Variants in MYH4 observed in about 807,000 individuals in gnomAD.
MYH4 encodes the protein myosin heavy chain 4, also known as myosin-4.
A neutral mutation model predicts 229.9 loss-of-function variants in MYH4; 200 were observed. The observed-to-expected ratio is 0.87, with a 90% CI of 0.78 to 0.98. The LOEUF is 0.98. Among genes scored for constraint, MYH4 ranks in the 50% least tolerant of loss-of-function variants. MYH4 has a pLI of 0.00. For synonymous variants in MYH4, 761 were observed against 834.6 expected (o/e 0.91, Z 1.52); for missense variants, 2,148 against 2,332.6 (o/e 0.92, Z 1.63).
chr17:10,465,534 T>C lies in MYH4; in HGVS notation c.413A>G (p.Glu138Gly), dbSNP rs150104856. Residue 138 changes from glutamate (E) to glycine (G), a missense_variant, in exon 5 of 40, where the codon GAG becomes GGG. By Grantham distance (98) the Glu-to-Gly change is moderately conservative. Transcript: ENST00000255381. ...PYKWLPVYNP[E>G]VVTAYRGKKR... ...TTTGCCTCGGTAGGCTGTCACCACC[T>C]CAGGGTTGTACACCGGCAGCCACTT... 32 of 1,613,724 alleles carry C rather than the reference T, an allele frequency of 2.0e-5. No individual in the cohort carries two copies. The African/African-American group carries it at 3.9e-4, about 20-fold the overall frequency.
At position 10,463,411 on chromosome 17, in the gene MYH4, G is replaced by C; in HGVS notation, c.742-10C>G. The C allele has an allele frequency of 6.2e-7, 1 of 1,610,530 alleles. No homozygotes were observed. The highest frequency in any genetic ancestry group is 8.5e-7 in the Non-Finnish European group (1 of 1,178,266). ...TCCTGATGAATTTACCCTTAAAAAA[G>C]AAAAGGAGGGATTATTATACACATT... On this transcript the variant is annotated splice_polypyrimidine_tract_variant and intron_variant, in intron 8 of 39. Transcript: ENST00000255381.
chr17:10,459,273 G>A lies in MYH4; in HGVS notation c.1565C>T (p.Ala522Val). The A allele has an allele frequency of 2.5e-6, 4 of 1,614,004 alleles. No individual in the cohort carries two copies. The highest frequency in any genetic ancestry group is 8.5e-7 in the Non-Finnish European group (1 of 1,180,000). The part of the protein sequence containing the change: ...EFIDFGMDLA[A>V]CIELIEKPMG... ...AACCTTCTCGATGAGCTCGATGCAG[G>A]CAGCCAGGTCCATCCCGAAGTCAAT... The change falls in exon 15 of 40, where the codon GCC (alanine) becomes GTC (valine). Residue 522 changes from alanine to valine, a missense_variant. Coordinates refer to ENST00000255381, the MANE Select transcript of MYH4 (RefSeq NM_017533.2).
In MYH4 at chr17:10,452,138, C is replaced by A; in HGVS notation, c.3541G>T (p.Asp1181Tyr). The A allele has an allele frequency of 1.9e-6, 3 of 1,614,066 alleles. No homozygotes were observed. Among genetic ancestry groups the A allele is most frequent in the Non-Finnish European group, 2.5e-6 (3 of 1,180,018 alleles). Reference protein sequence around the residue: ...REAEFQKMRRDLEESTLQHEA... With the variant: ...REAEFQKMRRYLEESTLQHEA... Reference sequence around the variant, plus strand: ...TGCTGCAGGGTGGACTCTTCCAGGTCCCTGCGCATTTTCTGGAACTCAGCC... The same window carrying A: ...TGCTGCAGGGTGGACTCTTCCAGGTACCTGCGCATTTTCTGGAACTCAGCC... The change falls in exon 27 of 40, where the codon GAC becomes TAC. Residue 1181 changes from aspartate (D) to tyrosine (Y), a missense_variant. Transcript: ENST00000255381.
At chr17:10,465,777 T>TTC (rs1157430536) in intron 4 of MYH4, among the ~76,000 whole-genome samples, 179 bp from the exon 5 acceptor site, 2 of 139,844 alleles carry the variant, frequency 1.4e-5, no homozygotes, top group Admixed American at 7.2e-5. Flanking sequence ...TTTCTTTTTT[T>TTC]TTTTTTTTTT....
chr17:10,463,496 C>A, intron 8 of MYH4, 55 bp downstream of exon 8: 1 of 1,576,590 alleles, frequency 6.3e-7, no homozygotes, highest in Non-Finnish European at 8.7e-7. Flanking sequence ...ATTGACACCA[C>A]ATGCACACAA....
rs1567699277 is a variant in MYH4, at chr17:10,449,062, A to C, written c.4182-15T>G. 6.2e-7 allele frequency: 1 copy of C among 1,613,028 alleles called. No individual in the cohort carries two copies. The highest frequency in any genetic ancestry group is 8.5e-7 in the Non-Finnish European group (1 of 1,179,598). On this transcript the variant is annotated splice_polypyrimidine_tract_variant and intron_variant, in intron 30 of 39. Coordinates refer to ENST00000255381, the MANE Select transcript of MYH4 (RefSeq NM_017533.2). ...CTAGCTTCTTCCTGAAAATTGGGTC[A>C]GTATGAGTGACCAAGAGCAGACTCA...
At position 10,455,807 on chromosome 17, in the gene MYH4, G is replaced by A; in HGVS notation, c.2056+7C>T. On this transcript the variant is annotated splice_region_variant and intron_variant, in intron 18 of 39. Coordinates refer to ENST00000255381, the MANE Select transcript of MYH4 (RefSeq NM_017533.2). ...TGGAGCTTGTCTGGATATCAGAAAT[G>A]TCTTACCAGGAGTTTTAGTTTCATT... The A allele has an allele frequency of 6.2e-7, 1 of 1,614,168 alleles. No homozygotes were observed. The highest frequency in any genetic ancestry group is 8.5e-7 in the Non-Finnish European group (1 of 1,180,030).
In MYH4 at chr17:10,463,194, A is replaced by G. The variant is rs760603150; in HGVS notation, c.806-6T>C. The G allele has an allele frequency of 6.2e-7, 1 of 1,607,652 alleles. No individual in the cohort carries two copies. On this transcript the variant is annotated splice_region_variant and splice_polypyrimidine_tract_variant and intron_variant, in intron 9 of 39. Transcript: ENST00000255381. ...TCGGGACTTCTCTAGCAGATCTGGAAGTCAGATTAAGCTCATTTAAAAGAA... is the reference window on the plus strand; with the variant it reads ...TCGGGACTTCTCTAGCAGATCTGGAGGTCAGATTAAGCTCATTTAAAAGAA...
Position 10,445,260 on chromosome 17 carries a change from TCTC to T in MYH4, c.5269_5271del (p.Glu1757del), listed in dbSNP as rs865993020. 1.2e-6 allele frequency: 2 copies of T among 1,614,070 alleles called. No individual in the cohort carries two copies. The highest frequency in any genetic ancestry group is 2.7e-5 in the African/African-American group (2 of 74,946). ...ACATCAGTGATGGCCTTCTTGGCCT[TCTC>T]CTCTGCATTGCGGGCTTCCTGGACG... is the stretch of plus-strand genomic sequence containing the variant. On this transcript the variant is annotated inframe_deletion, in exon 36 of 40. Coordinates refer to ENST00000255381, the MANE Select transcript of MYH4 (RefSeq NM_017533.2).
chr17:10,453,556 T>A (rs1168714705), intron 23 of MYH4, 87 bp downstream of exon 23: 1 of 1,594,354 alleles, frequency 6.3e-7, no homozygotes, highest in Non-Finnish European at 8.6e-7. Flanking sequence ...ATTTTTTATA[T>A]TCAATCATCT....
At chr17:10,464,948 C>A (rs1262335778) in intron 5 of MYH4, among the ~76,000 whole-genome samples, 1 of 152,148 alleles carries the variant, frequency 6.6e-6, no homozygotes, top group Non-Finnish European at 1.5e-5. Flanking sequence ...CCATTTTGTC[C>A]ATGAGAATAA....
At chr17:10,466,887 C>A in intron 2 of MYH4, 103 bp from the exon 3 acceptor site, 1 of 1,071,854 alleles carries the variant, frequency 9.3e-7, no homozygotes, top group South Asian at 1.5e-5. Flanking sequence ...TGTTTCCTCA[C>A]CCCTGCCTTT....
rs77317420 is a variant in MYH4, at chr17:10,454,086, T to C, written c.2692-201A>G. On this transcript the variant is annotated intron_variant, in intron 22 of 39. Coordinates refer to ENST00000255381, the MANE Select transcript of MYH4 (RefSeq NM_017533.2). ...ATAACAAATTTCCTTCAGATATTCA[T>C]GTGTGGCAGGCCAAATCAGGAAAAC... Among the ~76,000 whole-genome samples, 88 of 152,374 alleles carry C rather than the reference T, an allele frequency of 5.8e-4. No homozygotes were observed. In the East Asian group the frequency reaches 0.017, roughly 29 times the overall value.
rs34260986 is a variant in MYH4, at chr17:10,444,687, G to A, written c.5584C>T (p.Arg1862Cys). Residue 1862 changes from arginine to cysteine, a missense_variant, in exon 39 of 40, where the codon CGC becomes TGC. Coordinates refer to ENST00000255381, the MANE Select transcript of MYH4 (RefSeq NM_017533.2). ...KELTYQTEED[R>C]KNILRLQDLV... ...TCCTGCAGCCTGAGAATATTCTTGC[G>A]GTCCTCCTCAGTCTGAAAGAGGTGC... is the stretch of plus-strand genomic sequence containing the variant. 6.4e-4 allele frequency: 1,040 copies of A among 1,613,658 alleles called. 7 individuals are homozygous for A. In the African/African-American group the frequency reaches 0.011, roughly 18 times the overall value.
intron 30 of MYH4, among the ~76,000 whole-genome samples, chr17:10,450,102 C>G (rs1414945588): frequency 1.3e-5 from 2 of 152,136 alleles, no homozygotes; most frequent in Admixed American, 6.5e-5. Flanking sequence ...AATTGTAATA[C>G]TCATAATAAT....
chr17:10,468,041 A>G (rs2072785894), intron 2 of MYH4, among the ~76,000 whole-genome samples: 1 of 152,176 alleles, frequency 6.6e-6, no homozygotes, highest in Admixed American at 6.5e-5. Flanking sequence ...CACATACTCT[A>G]TTTTCAAAAT....
At position 10,463,179 on chromosome 17, in the gene MYH4, T is replaced by C. The variant is rs752519288; in HGVS notation, c.815A>G (p.Glu272Gly). 5 of 1,611,950 alleles carry C rather than the reference T, an allele frequency of 3.1e-6. No individual in the cohort carries two copies. The South Asian group carries it at 4.4e-5, about 14-fold the overall frequency. The change falls in exon 10 of 40, where the codon GAG becomes GGG. Residue 272 changes from glutamate to glycine, a missense_variant. Physicochemically the swap from Glu to Gly is moderately conservative, Grantham distance 98. Transcript: ENST00000255381. ...TAGCTGAAAAGTAACTCGGGACTTC[T>C]CTAGCAGATCTGGAAGTCAGATTAA... ...ASADIETYLL[E>G]KSRVTFQLKA... is the part of the protein sequence containing the mutation.
In MYH4 at chr17:10,448,019, A is replaced by G. The variant is rs1319743032; in HGVS notation, c.4764T>C (p.Asp1588=). 1.9e-6 allele frequency: 3 copies of G among 1,613,896 alleles called. No individual in the cohort carries two copies. The East Asian group carries it at 6.7e-5, about 36-fold the overall frequency. The stretch of plus-strand genomic sequence containing the variant: ...CTCTGAGATGGTTCCTCTTTAGCTG[A>G]TCGAGTTCTTCATCTTTTTCAGCAA... ...RKIAEKDEEL[D]QLKRNHLRVV... The change falls in exon 34 of 40, where the codon GAT becomes GAC. Residue 1588 remains aspartate, a synonymous_variant. Coordinates refer to ENST00000255381, the MANE Select transcript of MYH4 (RefSeq NM_017533.2).
chr17:10,455,706 C>T lies in MYH4; in HGVS notation c.2082G>A (p.Leu694=). Residue 694 remains leucine (L), a synonymous_variant, in exon 19 of 40, where the codon CTG becomes CTA. Coordinates refer to ENST00000255381, the MANE Select transcript of MYH4 (RefSeq NM_017533.2). The part of the protein sequence containing the change: ...TPGAMEHELV[L]HQLRCNGVLE... ...GCACACCGTTACACCTCAGCTGATG[C>T]AGGACAAGCTCATGCTCCATGGCAC... 1 of 1,614,142 alleles carries T rather than the reference C, an allele frequency of 6.2e-7. No individual in the cohort carries two copies. Among genetic ancestry groups the T allele is most frequent in the Non-Finnish European group, 8.5e-7 (1 of 1,180,016 alleles).
Sources: gnomAD v4.1 joint callset for allele counts (sites outside exome capture counted in the v4.1 genomes callset) on GRCh38, gnomAD v4.1.1 for gene constraint, MANE v1.5 for transcripts, NCBI Gene and HGNC (gene_info 2026-07-23, HGNC 2026-07-21) for gene names.